Variants in RTN4RL1 observed in about 807,000 individuals in gnomAD.
RTN4RL1 encodes the protein reticulon-4 receptor-like 1.
Under a neutral mutation model 25.6 loss-of-function variants are expected in RTN4RL1, and 7 were observed. That is an observed-to-expected ratio of 0.27 (90% CI 0.16 to 0.51). The LOEUF (loss-of-function observed/expected upper bound fraction) is 0.51. Ranked by LOEUF, RTN4RL1 falls within the 20% of genes least tolerant of loss-of-function variation. The pLI, the probability that RTN4RL1 is intolerant of heterozygous loss-of-function variation, is 0.97. For synonymous variants in RTN4RL1, 297 were observed against 288.2 expected, an observed-to-expected ratio of 1.03 and a Z score of -0.31; for missense variants, 500 against 615.6, an observed-to-expected ratio of 0.81 and a Z score of 1.99.
intron 1 of RTN4RL1, among the ~76,000 whole-genome samples, chr17:1,960,950 T>C (rs7207780): frequency 0.87 from 132,031 of 152,124 alleles, 57,493 homozygotes; most frequent in Middle Eastern, 0.91. Flanking sequence ...CCTCTGCTCC[T>C]GGCCACTCTC....
intron 1 of RTN4RL1, chr17:2,018,015 A>C (rs904079952): frequency 2.0e-5 from 3 of 152,280 alleles, no homozygotes; most frequent in African/African-American, 4.8e-5. Flanking sequence ...CTGGAAGGGG[A>C]CAGGAGAAGC....
At chr17:1,940,675 A>G (rs1915420792) in intron 1 of RTN4RL1, among the ~76,000 whole-genome samples, 1 of 151,796 alleles carries the variant, frequency 6.6e-6, no homozygotes, top group African/African-American at 2.4e-5. Flanking sequence ...GCCCCAACCC[A>G]CACCAGCTGC....
intron 1 of RTN4RL1, among the ~76,000 whole-genome samples, chr17:2,018,499 A>T (rs1374893157): frequency 6.6e-6 from 1 of 152,200 alleles, no homozygotes; most frequent in African/African-American, 2.4e-5. Flanking sequence ...AGGGGAGTGC[A>T]TAGGAACCAC....
rs1165037855 is a variant in RTN4RL1 at position 1,986,526 on chromosome 17, A to T, written c.13+38327T>A. Among the ~76,000 whole-genome samples the T allele has an allele frequency of 2.0e-5, 3 of 152,098 alleles. No homozygotes were observed. The East Asian group carries it at 5.8e-4, about 29-fold the overall frequency. ...CATAAATGCAATGACAAATTTCCTT[A>T]TAAGAGACAGAAGAGGAGGAGACAG... On this transcript the variant is annotated intron_variant, in intron 1 of 1. Coordinates refer to ENST00000331238, the MANE Select transcript of RTN4RL1 (RefSeq NM_178568.4).
chr17:1,985,363 T>A (rs1654845888), intron 1 of RTN4RL1, among the ~76,000 whole-genome samples: 1 of 152,202 alleles, frequency 6.6e-6, no homozygotes, highest in Non-Finnish European at 1.5e-5. Context: ...GCCACCTGCC[T>A]CCTACTCTCT....
At chr17:1,976,815 G>A (rs577951629) in intron 1 of RTN4RL1, among the ~76,000 whole-genome samples, 1 of 152,304 alleles carries the variant, frequency 6.6e-6, no homozygotes, top group South Asian at 2.1e-4. Flanking sequence ...GGTGGAACTC[G>A]GCTGGGACTC....
chr17:1,946,529 G>T (rs901924369), intron 1 of RTN4RL1, among the ~76,000 whole-genome samples: 5 of 152,010 alleles, frequency 3.3e-5, no homozygotes. Flanking sequence ...GTGATTGTGT[G>T]TCTGTGTGTG....
At chr17:1,979,724 C>A (rs906227132) in intron 1 of RTN4RL1, among the ~76,000 whole-genome samples, 3 of 152,212 alleles carry the variant, frequency 2.0e-5, no homozygotes, top group African/African-American at 2.4e-5. Flanking sequence ...CAGACCAGGA[C>A]AGAAAAGGGG....
intron 1 of RTN4RL1, among the ~76,000 whole-genome samples, chr17:1,938,950 G>A (rs1057064904): frequency 5.7e-4 from 86 of 152,146 alleles, no homozygotes; most frequent in Middle Eastern, 3.4e-3. Context: ...GGAGGCTGAG[G>A]CAGGAGAATC....
intron 1 of RTN4RL1, among the ~76,000 whole-genome samples, chr17:1,977,691 C>A (rs2066848613): frequency 6.6e-6 from 1 of 152,098 alleles, no homozygotes. Flanking sequence ...TCATCCGTCT[C>A]CAACTTCTGA....
intron 1 of RTN4RL1, among the ~76,000 whole-genome samples, chr17:1,999,661 C>T (rs750698449): frequency 2.8e-4 from 29 of 102,896 alleles, no homozygotes; most frequent in Non-Finnish European, 4.7e-4. Context: ...GCAGTGCCCA[C>T]TCCCTATACA....
intron 1 of RTN4RL1, among the ~76,000 whole-genome samples, chr17:1,972,046 G>A (rs2066822708): frequency 6.6e-6 from 1 of 151,748 alleles, no homozygotes; most frequent in Non-Finnish European, 1.5e-5. Context: ...GGTGAGGTGG[G>A]AAGATCACTT....
chr17:2,002,844 G>A (rs1597237323), intron 1 of RTN4RL1, among the ~76,000 whole-genome samples: 1 of 152,162 alleles, frequency 6.6e-6, no homozygotes, highest in Non-Finnish European at 1.5e-5. Context: ...CTACCAGGAG[G>A]GGCCCAGACC....
chr17:2,023,371 C>T (rs141206390), intron 1 of RTN4RL1, among the ~76,000 whole-genome samples: 5 of 152,346 alleles, frequency 3.3e-5, no homozygotes, highest in Non-Finnish European at 5.9e-5. Context: ...GTCTGCGAAG[C>T]GGTTTCTCCA....
intron 1 of RTN4RL1, among the ~76,000 whole-genome samples, chr17:1,939,075 G>T (rs969762050): frequency 6.6e-6 from 1 of 150,934 alleles, no homozygotes; most frequent in Non-Finnish European, 1.5e-5. Context: ...AATAAAGGCC[G>T]GGAGCAGTGG....
chr17:2,017,845 C>T (rs866834661), intron 1 of RTN4RL1: 10 of 152,284 alleles, frequency 6.6e-5, no homozygotes, highest in African/African-American at 1.7e-4. Flanking sequence ...ATCACAGGTT[C>T]GGAAGCACGA....
intron 1 of RTN4RL1, among the ~76,000 whole-genome samples, chr17:1,956,931 G>T (rs184595189): frequency 1.3e-5 from 2 of 151,946 alleles, no homozygotes; most frequent in Non-Finnish European, 2.9e-5. Flanking sequence ...GTACAGACGG[G>T]TTTTCACCAT....
chr17:2,016,341 A>G (rs2067122743), intron 1 of RTN4RL1, among the ~76,000 whole-genome samples: 1 of 152,146 alleles, frequency 6.6e-6, no homozygotes, highest in African/African-American at 2.4e-5. Flanking sequence ...AGATCACACC[A>G]CTGCACTCCA....
rs1354743100 is a variant in RTN4RL1, at chr17:2,025,094, G to A, written c.-229C>T. On this transcript the variant is annotated 5_prime_UTR_variant, in exon 1 of 2. Coordinates refer to ENST00000331238, the MANE Select transcript of RTN4RL1 (RefSeq NM_178568.4). The surrounding 1 kb of genome is among the most constrained non-coding windows in gnomAD (Gnocchi z 4.8). The stretch of plus-strand genomic sequence containing the variant: ...AACCGTGGTGCTGCCCGGCAGCCCC[G>A]CGCGCTTGCTCAGCCCCGGGGCGAG... 3 of 389,950 alleles carry A rather than the reference G, an allele frequency of 7.7e-6. No individual in the cohort carries two copies. The highest frequency in any genetic ancestry group is 1.4e-5 in the Non-Finnish European group (3 of 220,284). The allele number at this position is 389,950 out of a possible 1,614,324, so 24.2% of individuals were successfully genotyped here. A position where few individuals can be genotyped will look rare whatever the true frequency, so the allele number is the denominator to read the frequency against.
Sources: allele counts gnomAD v4.1 joint callset (sites outside exome capture counted in the v4.1 genomes callset), GRCh38; gene constraint gnomAD v4.1.1; non-coding constraint Gnocchi (gnomAD v3.1); transcripts MANE v1.5; gene names NCBI Gene and HGNC (gene_info 2026-07-23, HGNC 2026-07-21).